Variants in ZFPM2 observed in about 807,000 individuals in gnomAD.
ZFPM2 encodes zinc finger protein ZFPM2.
ZFPM2 carries 20 observed loss-of-function variants against 98.6 expected under a neutral mutation model. The ratio of observed to expected loss-of-function variants is 0.20; its 90% CI spans 0.14 to 0.29. ZFPM2 has a LOEUF of 0.29. ZFPM2 is among the 10% of genes least tolerant of loss of function. The probability of loss-of-function intolerance (pLI) is 1.00; values close to 1 mark genes in which losing one functional copy is unlikely to be tolerated. For missense variants in ZFPM2, 1,310 were observed against 1,388.6 expected, an observed-to-expected ratio of 0.94 and a Z score of 0.90; for synonymous variants, 518 against 502.7, an observed-to-expected ratio of 1.03 and a Z score of -0.41.
intron 1 of ZFPM2, among the ~76,000 whole-genome samples, chr8:105,330,635 T>TATAC (rs1563607092): frequency 2.5e-4 from 23 of 91,934 alleles, no homozygotes; most frequent in South Asian, 1.2e-3. Flanking sequence ...TATATATACA[T>TATAC]ATATATATAT....
In ZFPM2 at chr8:105,559,800, A is replaced by G. The variant is rs141440634; in HGVS notation, c.302-1563A>G. On this transcript the variant is annotated intron_variant, in intron 3 of 7. Transcript: ENST00000407775. ...TTGGCAGTGTTTCTTTTTGAAAAAAAACTCAAGATTGAATCTATGTATTTA... is the reference window on the plus strand; with the variant it reads ...TTGGCAGTGTTTCTTTTTGAAAAAAGACTCAAGATTGAATCTATGTATTTA... 8.5e-5 allele frequency among the ~76,000 whole-genome samples: 13 copies of G among 152,296 alleles called. No homozygotes were observed. The East Asian group carries it at 2.5e-3, about 29-fold the overall frequency.
At chr8:105,525,876 G>A (rs554832568) in intron 3 of ZFPM2, among the ~76,000 whole-genome samples, 2 of 152,152 alleles carry the variant, frequency 1.3e-5, no homozygotes, top group South Asian at 4.2e-4. Flanking sequence ...AATTATCAAG[G>A]CCTACATTTT....
intron 6 of ZFPM2, 140 bp downstream of exon 6, chr8:105,789,064 T>C (rs1387189339): frequency 4.3e-6 from 3 of 700,988 alleles, no homozygotes; most frequent in Non-Finnish European, 6.6e-6. Flanking sequence ...TCTTTTTAAA[T>C]ATTTAATTTG....
chr8:105,784,542 A>G lies in ZFPM2; in HGVS notation c.533-4176A>G, dbSNP rs928583785. On this transcript the variant is annotated intron_variant, in intron 5 of 7. Coordinates refer to ENST00000407775, the MANE Select transcript of ZFPM2 (RefSeq NM_012082.4). Reference sequence around the variant, plus strand: ...GCCCCAAGTGGATGAAACCAAAACGATAATGGCTAACAATTATATAAACAT... The same window carrying G: ...GCCCCAAGTGGATGAAACCAAAACGGTAATGGCTAACAATTATATAAACAT... 2.1e-5 allele frequency among the ~76,000 whole-genome samples: 3 copies of G among 146,104 alleles called. 1 individual carries two copies. Among genetic ancestry groups the G allele is most frequent in the African/African-American group, 8.4e-5 (3 of 35,626 alleles).
intron 4 of ZFPM2, among the ~76,000 whole-genome samples, chr8:105,577,564 C>T (rs1442728967): frequency 6.6e-6 from 1 of 151,794 alleles, no homozygotes; most frequent in Non-Finnish European, 1.5e-5. Flanking sequence ...TTGTTTCTAA[C>T]ATTATTTTTC....
intron 5 of ZFPM2, among the ~76,000 whole-genome samples, chr8:105,755,723 T>C (rs547704578): frequency 6.6e-6 from 1 of 152,194 alleles, no homozygotes; most frequent in East Asian, 1.9e-4. Context: ...TAATACTGCC[T>C]TTTTTAAAAA....
intron 5 of ZFPM2, among the ~76,000 whole-genome samples, chr8:105,659,613 A>G (rs1210457691): frequency 6.6e-6 from 1 of 152,244 alleles, no homozygotes; most frequent in East Asian, 1.9e-4. Context: ...GGAAAGGGCT[A>G]TACAGATATT....
intron 3 of ZFPM2, among the ~76,000 whole-genome samples, chr8:105,505,112 G>A (rs572632154): frequency 1.3e-5 from 2 of 152,136 alleles, no homozygotes; most frequent in African/African-American, 4.8e-5. Flanking sequence ...CCTGACTCTT[G>A]ACCACCATTA....
At chr8:105,550,353 C>T (rs1814822424) in intron 3 of ZFPM2, among the ~76,000 whole-genome samples, 1 of 152,068 alleles carries the variant, frequency 6.6e-6, no homozygotes, top group Admixed American at 6.6e-5. Flanking sequence ...AATCCTTCCA[C>T]CTAGTTAAGT....
intron 5 of ZFPM2, among the ~76,000 whole-genome samples, chr8:105,740,213 C>T (rs1487973698): frequency 6.6e-6 from 1 of 151,982 alleles, no homozygotes; most frequent in African/African-American, 2.4e-5. Flanking sequence ...TAAAATATTT[C>T]ACAAACATAC....
chr8:105,542,129 G>A (rs1388872093), intron 3 of ZFPM2, among the ~76,000 whole-genome samples: 1 of 152,040 alleles, frequency 6.6e-6, no homozygotes, highest in Non-Finnish European at 1.5e-5. Flanking sequence ...ATGAAAAATG[G>A]TTATTTTGCT....
chr8:105,742,438 C>T (rs745739646), intron 5 of ZFPM2, among the ~76,000 whole-genome samples: 7 of 139,794 alleles, frequency 5.0e-5, no homozygotes, highest in Non-Finnish European at 9.2e-5. Context: ...TGAATTAGAA[C>T]AATAGGAGGT....
intron 3 of ZFPM2, among the ~76,000 whole-genome samples, chr8:105,528,479 T>G (rs1243575839): frequency 1.3e-5 from 2 of 152,264 alleles, no homozygotes; most frequent in South Asian, 2.1e-4. Context: ...GGATGAATGT[T>G]GCCATACATA....
chr8:105,622,362 G>A lies in ZFPM2; in HGVS notation c.421-11884G>A, dbSNP rs546224379. On this transcript the variant is annotated intron_variant, in intron 4 of 7. Coordinates refer to ENST00000407775, the MANE Select transcript of ZFPM2 (RefSeq NM_012082.4). ...GATAGGATAGAGAATTGAGAAAGGA[G>A]TTACTAAAATGTAATTTTCTCTTAT... is the stretch of plus-strand genomic sequence containing the variant. Among the ~76,000 whole-genome samples, 487 of 152,132 alleles carry A rather than the reference G, an allele frequency of 3.2e-3. 3 individuals are homozygous for A. Among genetic ancestry groups the A allele is most frequent in the Non-Finnish European group, 4.3e-3 (291 of 68,006 alleles).
Position 105,392,484 on chromosome 8 carries a change from A to G in ZFPM2, c.41-26660A>G, listed in dbSNP as rs561644863. The stretch of plus-strand genomic sequence containing the variant: ...GCCACATCGTAGCACATATACTTGT[A>G]AAATGTCACCTTCCTTTGTCTAGTC... On this transcript the variant is annotated intron_variant, in intron 1 of 7. Coordinates refer to ENST00000407775, the MANE Select transcript of ZFPM2 (RefSeq NM_012082.4). 5.8e-4 allele frequency among the ~76,000 whole-genome samples: 89 copies of G among 152,298 alleles called. No individual in the cohort carries two copies. In the Middle Eastern group the frequency reaches 0.014, roughly 23 times the overall value.
chr8:105,570,216 A>G (rs1400567790), intron 4 of ZFPM2, among the ~76,000 whole-genome samples: 1 of 152,178 alleles, frequency 6.6e-6, no homozygotes, highest in Non-Finnish European at 1.5e-5. Flanking sequence ...GAAGACTTGA[A>G]GGCAAGAAAT....
At position 105,803,419 on chromosome 8, in the gene ZFPM2, C is replaced by T; in HGVS notation, c.3337C>T (p.Gln1113Ter). ...SIAKGVNGSS[Q>*]APTSGKYCRL... ...AGCAAAAGGTGTGAATGGTTCCAGC[C>T]AGGCTCCAACCAGTGGGAAATATTG... is the stretch of plus-strand genomic sequence containing the variant. The change falls in exon 8 of 8, where the codon CAG (glutamine) becomes TAG (stop). Residue 1113 changes from glutamine (Q) to a stop codon, truncating the protein, a stop_gained. Coordinates refer to ENST00000407775, the MANE Select transcript of ZFPM2 (RefSeq NM_012082.4). LOFTEE classifies it high-confidence loss of function. 1 of 1,613,866 alleles carries T rather than the reference C, an allele frequency of 6.2e-7. No individual in the cohort carries two copies. The highest frequency in any genetic ancestry group is 8.5e-7 in the Non-Finnish European group (1 of 1,179,822).
intron 5 of ZFPM2, among the ~76,000 whole-genome samples, chr8:105,691,833 T>C (rs138112113): frequency 6.6e-5 from 10 of 152,326 alleles, no homozygotes; most frequent in Non-Finnish European, 1.2e-4. Context: ...ACGGAAAAAC[T>C]ATGCGCTCCT....
rs541974524 is a variant in ZFPM2, at chr8:105,439,342, A to C, written c.200-4938A>C. Among the ~76,000 whole-genome samples the C allele has an allele frequency of 2.0e-5, 3 of 152,250 alleles. No homozygotes were observed. The South Asian group carries it at 6.2e-4, about 32-fold the overall frequency. ...TCAGGTGTTCATGGTTCTCTCCTCA[A>C]CTGGAGGAGAGATGTAAAGAGAAAG... On this transcript the variant is annotated intron_variant, in intron 2 of 7. Coordinates refer to ENST00000407775, the MANE Select transcript of ZFPM2 (RefSeq NM_012082.4).
Sources: allele counts gnomAD v4.1 joint callset (sites outside exome capture counted in the v4.1 genomes callset), GRCh38; gene constraint gnomAD v4.1.1; transcripts MANE v1.5; gene names NCBI Gene and HGNC (gene_info 2026-07-23, HGNC 2026-07-21).